The following HMCES variants were observed in gnomAD, a reference collection of about 807,000 sequenced individuals.
The protein encoded by HMCES is abasic site processing protein HMCES.
In HMCES, 27 loss-of-function variants were observed where a neutral mutation model predicts 35.1. That is an observed-to-expected ratio of 0.77 (90% confidence interval 0.57 to 1.06). The LOEUF (loss-of-function observed/expected upper bound fraction) is 1.06, where lower values mean the gene tolerates loss of function less well. Among genes scored for constraint, HMCES ranks in the 50% least tolerant of loss-of-function variants. The pLI is 0.00. For missense variants in HMCES, 391 were observed against 430.4 expected (o/e 0.91, Z 0.81); for synonymous variants, 130 against 154.7 (o/e 0.84, Z 1.18).
At chr3:129,301,169 G>GACGTCT (rs541159964) in intron 5 of HMCES, among the ~76,000 whole-genome samples, 1 of 129,764 alleles carries the variant, frequency 7.7e-6, no homozygotes, top group African/African-American at 3.0e-5. Context: ...TCCAGCCTGG[G>GACGTCT]CAACACAGCA....
At chr3:129,290,060 G>A (rs1002425532) in intron 3 of HMCES, among the ~76,000 whole-genome samples, 10 of 151,536 alleles carry the variant, frequency 6.6e-5, no homozygotes, top group Non-Finnish European at 1.5e-5. Flanking sequence ...GGTGGCGGAC[G>A]CCTGTAGTCC....
At chr3:129,294,568 T>C (rs191655524) in intron 4 of HMCES, among the ~76,000 whole-genome samples, 6 of 152,372 alleles carry the variant, frequency 3.9e-5, no homozygotes, top group Admixed American at 2.6e-4. Flanking sequence ...CTCCTGTCTT[T>C]TGGGCTACTG....
intron 4 of HMCES, among the ~76,000 whole-genome samples, chr3:129,295,970 G>A (rs141575623): frequency 6.6e-6 from 1 of 152,190 alleles, no homozygotes; most frequent in South Asian, 2.1e-4. Flanking sequence ...ACATGTGTTA[G>A]ATGATTTAAT....
chr3:129,293,413 CCAGTCTAGT>C (rs2071048241), intron 4 of HMCES, among the ~76,000 whole-genome samples: 1 of 151,990 alleles, frequency 6.6e-6, no homozygotes, highest in Admixed American at 6.6e-5. Context: ...CCCAGTCTAG[CCAGTCTAGT>C]AACACACAAA....
Position 129,305,940 on chromosome 3 carries a change from G to A in HMCES, c.*1115G>A, listed in dbSNP as rs948123432. Reference sequence around the variant, plus strand: ...GGGGCTCCCGCCCAGACCCTTTCCCGAGGTCCGCCCTCTCCGCCTTTTCTC... The same window carrying A: ...GGGGCTCCCGCCCAGACCCTTTCCCAAGGTCCGCCCTCTCCGCCTTTTCTC... On this transcript the variant is annotated 3_prime_UTR_variant, in exon 7 of 7. Transcript: ENST00000383463. 1.3e-5 allele frequency: 2 copies of A among 152,310 alleles called. No homozygotes were observed. The highest frequency in any genetic ancestry group is 2.9e-5 in the Non-Finnish European group (2 of 68,102). 9.4% of individuals were successfully genotyped at this position (152,310 alleles called of 1,614,324 possible). A position where few individuals can be genotyped will look rare whatever the true frequency, so the allele number is the denominator to read the frequency against.
At chr3:129,283,171 T>C (rs1425743147) in intron 2 of HMCES, among the ~76,000 whole-genome samples, 1 of 152,076 alleles carries the variant, frequency 6.6e-6, no homozygotes, top group African/African-American at 2.4e-5. Context: ...AGTCTCTGGA[T>C]GGTGGGGAGG....
rs1940405064 is a variant in HMCES, at chr3:129,279,634, A to G, written c.-23-76A>G. ...GGCACGGCCCTGTGGGAACGGAAAGAGAAGGCGGGGACTCAAGGAATAAGA... is the reference window on the plus strand; with the variant it reads ...GGCACGGCCCTGTGGGAACGGAAAGGGAAGGCGGGGACTCAAGGAATAAGA... On this transcript the variant is annotated intron_variant, in intron 1 of 6. Coordinates refer to ENST00000383463, the MANE Select transcript of HMCES (RefSeq NM_020187.3). The surrounding 1 kb of genome is among the most constrained non-coding windows in gnomAD (Gnocchi z 4.2). 2.8e-6 allele frequency: 4 copies of G among 1,415,396 alleles called. No individual in the cohort carries two copies. The highest frequency in any genetic ancestry group is 3.9e-6 in the Non-Finnish European group (4 of 1,035,190). The allele number at this position is 1,415,396 out of a possible 1,614,324, so 87.7% of individuals were successfully genotyped here.
At chr3:129,294,820 C>T (rs1380604545) in intron 4 of HMCES, among the ~76,000 whole-genome samples, 2 of 151,932 alleles carry the variant, frequency 1.3e-5, no homozygotes, top group Non-Finnish European at 2.9e-5. Context: ...GTAATAAATT[C>T]TGATTTTTTT....
chr3:129,302,054 T>C lies in HMCES; in HGVS notation c.740T>C (p.Ile247Thr). The change falls in exon 6 of 7, where the codon ATC becomes ACC. Residue 247 changes from isoleucine (I) to threonine (T), a missense_variant. Ile to Thr is a moderately conservative substitution (Grantham distance 89). Transcript: ENST00000383463. The part of the protein sequence containing the change: ...ALKLIHPTEN[I>T]TFHAVSSVVN... ...AAATTAATCCACCCAACAGAGAACA[T>C]CACCTTCCATGCAGTCTCTTCTGTG... 1 of 1,614,136 alleles carries C rather than the reference T, an allele frequency of 6.2e-7. No homozygotes were observed. The highest frequency in any genetic ancestry group is 2.2e-5 in the East Asian group (1 of 44,884).
chr3:129,290,204 A>G (rs1321056572), intron 3 of HMCES, among the ~76,000 whole-genome samples: 1 of 151,834 alleles, frequency 6.6e-6, no homozygotes, highest in African/African-American at 2.4e-5. Context: ...AAAAAAAAAA[A>G]AAAGAAAAGA....
rs186354755 is a variant in HMCES at position 129,283,018 on chromosome 3, A to G, written c.183+3103A>G. On this transcript the variant is annotated intron_variant, in intron 2 of 6. Coordinates refer to ENST00000383463, the MANE Select transcript of HMCES (RefSeq NM_020187.3). ...CTTGACACTGTTGACAGTTTTGGCC[A>G]GGATAATTTTTTGTCATAGGGAGCT... Among the ~76,000 whole-genome samples, 438 of 152,332 alleles carry G rather than the reference A, an allele frequency of 2.9e-3. 1 individual carries two copies. Among genetic ancestry groups the G allele is most frequent in the Non-Finnish European group, 5.5e-3 (375 of 68,030 alleles).
intron 6 of HMCES, among the ~76,000 whole-genome samples, chr3:129,303,015 G>C (rs79026623): frequency 2.0e-5 from 3 of 152,158 alleles, no homozygotes; most frequent in East Asian, 1.9e-4. Context: ...TTTGCTTTCC[G>C]AACTACAAGT....
At chr3:129,286,461 G>A (rs945240103) in intron 2 of HMCES, among the ~76,000 whole-genome samples, 1 of 152,174 alleles carries the variant, frequency 6.6e-6, no homozygotes, top group Non-Finnish European at 1.5e-5. Context: ...TTGGTTACAA[G>A]CCCGTCCAGA....
chr3:129,284,035 C>T (rs943095281), intron 2 of HMCES, among the ~76,000 whole-genome samples: 2 of 152,228 alleles, frequency 1.3e-5, no homozygotes, highest in Non-Finnish European at 1.5e-5. Flanking sequence ...TCCAAATTCA[C>T]CTACTCACTA....
At chr3:129,300,342 C>T (rs2071148010) in intron 5 of HMCES, among the ~76,000 whole-genome samples, 1 of 152,144 alleles carries the variant, frequency 6.6e-6, no homozygotes. Context: ...GTGTTTCTCA[C>T]AGATGAAACT....
chr3:129,287,978 A>C (rs980222266), intron 2 of HMCES, among the ~76,000 whole-genome samples: 2 of 151,982 alleles, frequency 1.3e-5, no homozygotes, highest in Non-Finnish European at 2.9e-5. Flanking sequence ...AATCGCTTAA[A>C]CCCAGGAGGC....
intron 2 of HMCES, among the ~76,000 whole-genome samples, chr3:129,285,041 G>A (rs950270146): frequency 6.6e-6 from 1 of 152,170 alleles, no homozygotes; most frequent in Non-Finnish European, 1.5e-5. Flanking sequence ...TGCGACTACT[G>A]ATGATTCCTT....
chr3:129,279,773 T>G lies in HMCES; in HGVS notation c.41T>G (p.Leu14Arg). Reference protein sequence around the residue: ...RTSCHLPRDVLTRACAYQDRR... With the variant: ...RTSCHLPRDVRTRACAYQDRR... ...TCCTGTCACTTACCTAGAGATGTTC[T>G]CACGAGAGCTTGCGCCTACCAGGAT... Residue 14 changes from leucine to arginine, a missense_variant, in exon 2 of 7, where the codon CTC (leucine) becomes CGC (arginine). Coordinates refer to ENST00000383463, the MANE Select transcript of HMCES (RefSeq NM_020187.3). This position sits in a 1 kb window ranked among gnomAD's most constrained non-coding sequence, Gnocchi z 4.2. 1 of 1,613,270 alleles carries G rather than the reference T, an allele frequency of 6.2e-7. No homozygotes were observed. Among genetic ancestry groups the G allele is most frequent in the South Asian group, 1.1e-5 (1 of 90,884 alleles).
At position 129,305,090 on chromosome 3, in the gene HMCES, G is replaced by A. The variant is rs1385903948; in HGVS notation, c.*265G>A. 2.1e-4 allele frequency: 108 copies of A among 511,602 alleles called. No individual in the cohort carries two copies. Among genetic ancestry groups the A allele is most frequent in the Non-Finnish European group, 1.2e-4 (35 of 287,038 alleles). The allele number at this position is 511,602 out of a possible 1,614,324, so 31.7% of individuals were successfully genotyped here. A position where few individuals can be genotyped will look rare whatever the true frequency, so the allele number is the denominator to read the frequency against. ...CCTGCTGCCCTTTCCTGGCAGGGCTGGTGGAGTCTTCCCTCAAAGCATGCC... is the reference window on the plus strand; with the variant it reads ...CCTGCTGCCCTTTCCTGGCAGGGCTAGTGGAGTCTTCCCTCAAAGCATGCC... On this transcript the variant is annotated 3_prime_UTR_variant, in exon 7 of 7. Coordinates refer to ENST00000383463, the MANE Select transcript of HMCES (RefSeq NM_020187.3).
Sources: allele counts gnomAD v4.1 joint callset (sites outside exome capture counted in the v4.1 genomes callset), GRCh38; gene constraint gnomAD v4.1.1; non-coding constraint Gnocchi (gnomAD v3.1); transcripts MANE v1.5; gene names NCBI Gene and HGNC (gene_info 2026-07-23, HGNC 2026-07-21).